The following SLC25A18 variants were observed in gnomAD, a reference collection of about 807,000 sequenced individuals.
The protein encoded by SLC25A18 is mitochondrial glutamate carrier 2.
A neutral mutation model predicts 31.1 loss-of-function variants in SLC25A18; 24 were observed. The observed-to-expected ratio is 0.77, with a 90% CI of 0.56 to 1.08. The LOEUF is 1.08. Ranked by LOEUF, SLC25A18 falls within the 50% of genes least tolerant of loss-of-function variation. SLC25A18 has a pLI of 0.00. For missense variants in SLC25A18, 371 were observed against 418.5 expected (o/e 0.89, Z 0.99); for synonymous variants, 173 against 161.9 (o/e 1.07, Z -0.52).
In SLC25A18 at chr22:17,590,247, A is replaced by T; in HGVS notation, c.*11A>T. 2 of 1,614,132 alleles carry T rather than the reference A, an allele frequency of 1.2e-6. No homozygotes were observed. Among genetic ancestry groups the T allele is most frequent in the African/African-American group, 2.7e-5 (2 of 75,060 alleles). On this transcript the variant is annotated 3_prime_UTR_variant, in exon 11 of 11. Transcript: ENST00000327451. ...AAGTGTTTTGACTAGACAGAGCTGG[A>T]GGTCAAGTCCCTGCGCTTGCCGCCC...
chr22:17,589,027 A>C (rs1438886483), intron 9 of SLC25A18: 1 of 150,514 alleles, frequency 6.6e-6, no homozygotes, highest in Non-Finnish European at 1.5e-5. Context: ...GTGCCACTGC[A>C]CTCCAGCCTG....
At chr22:17,566,003 CT>C (rs1031787587) in intron 1 of SLC25A18, among the ~76,000 whole-genome samples, 15 of 152,160 alleles carry the variant, frequency 9.9e-5, no homozygotes, top group African/African-American at 2.9e-4. Flanking sequence ...TCTGTGTTTA[CT>C]TTTTTGAGGA....
chr22:17,574,773 G>A (rs544158132), intron 2 of SLC25A18, among the ~76,000 whole-genome samples: 8 of 149,448 alleles, frequency 5.4e-5, no homozygotes, highest in Middle Eastern at 3.2e-3. Flanking sequence ...ACCCACCCTC[G>A]GCCTCCCAGA....
intron 9 of SLC25A18, chr22:17,588,634 C>G (rs2057622061): frequency 6.6e-6 from 1 of 150,922 alleles, no homozygotes; most frequent in Non-Finnish European, 1.5e-5. Flanking sequence ...TGGGCGACAG[C>G]ACAAGACTTC....
intron 2 of SLC25A18, among the ~76,000 whole-genome samples, chr22:17,574,026 T>G (rs756908610): frequency 1.3e-5 from 2 of 152,186 alleles, no homozygotes; most frequent in Non-Finnish European, 2.9e-5. Flanking sequence ...GCTCAGGAGT[T>G]CAAGACCAGT....
At chr22:17,572,796 C>T (rs552002994) in intron 2 of SLC25A18, among the ~76,000 whole-genome samples, 2 of 150,478 alleles carry the variant, frequency 1.3e-5, no homozygotes, top group African/African-American at 2.5e-5. Context: ...CGCCCGCCAC[C>T]ACGCCCGGCT....
rs2057694444 is a variant in SLC25A18, at chr22:17,590,884, AATCTC to A, written c.*653_*657del. On this transcript the variant is annotated 3_prime_UTR_variant, in exon 11 of 11. Transcript: ENST00000327451. ...CTCTGAAATAAAGGTGAATGGCTAA[AATCTC>A]ATCTGTTCATCAGTGGGTACAGCAG... is the stretch of plus-strand genomic sequence containing the variant. The A allele has an allele frequency of 6.6e-6, 1 of 152,378 alleles. No individual in the cohort carries two copies. Among genetic ancestry groups the A allele is most frequent in the Non-Finnish European group, 1.5e-5 (1 of 68,158 alleles). 9.4% of individuals were successfully genotyped at this position (152,378 alleles called of 1,614,324 possible).
chr22:17,587,564 AG>A (rs778421550), intron 8 of SLC25A18, among the ~76,000 whole-genome samples: 6 of 152,206 alleles, frequency 3.9e-5, no homozygotes, highest in Non-Finnish European at 8.8e-5. Context: ...AAGGCACCTA[AG>A]AAAGCCCTGT....
At chr22:17,582,392 T>C in intron 5 of SLC25A18, 171 bp from the exon 6 acceptor site, 2 of 506,074 alleles carry the variant, frequency 4.0e-6, no homozygotes, top group Admixed American at 7.1e-5. Flanking sequence ...AAGGAGAATG[T>C]GGTAGGGAGT....
In SLC25A18 at chr22:17,590,329, G is replaced by A; in HGVS notation, c.*93G>A. On this transcript the variant is annotated 3_prime_UTR_variant, in exon 11 of 11. Transcript: ENST00000327451. ...GGCAAGGGCAGGTGGGGCCACTCTGGCCTGCCTGGTCCTCTGCGTTGTAGT... is the reference window on the plus strand; with the variant it reads ...GGCAAGGGCAGGTGGGGCCACTCTGACCTGCCTGGTCCTCTGCGTTGTAGT... The A allele has an allele frequency of 4.6e-6, 7 of 1,513,846 alleles. No individual in the cohort carries two copies. Among genetic ancestry groups the A allele is most frequent in the Non-Finnish European group, 5.4e-6 (6 of 1,105,686 alleles). 93.8% of individuals were successfully genotyped at this position (1,513,846 alleles called of 1,614,324 possible). A position where few individuals can be genotyped will look rare whatever the true frequency, so the allele number is the denominator to read the frequency against.
rs765176965 is a variant in SLC25A18, at chr22:17,590,323, A to G, written c.*87A>G. 2.2e-5 allele frequency: 34 copies of G among 1,542,624 alleles called. No individual in the cohort carries two copies. Among genetic ancestry groups the G allele is most frequent in the Admixed American group, 7.1e-5 (4 of 56,716 alleles). On this transcript the variant is annotated 3_prime_UTR_variant, in exon 11 of 11. Coordinates refer to ENST00000327451, the MANE Select transcript of SLC25A18 (RefSeq NM_031481.3). Reference sequence around the variant, plus strand: ...AGAGGGGGCAAGGGCAGGTGGGGCCACTCTGGCCTGCCTGGTCCTCTGCGT... The same window carrying G: ...AGAGGGGGCAAGGGCAGGTGGGGCCGCTCTGGCCTGCCTGGTCCTCTGCGT...
intron 6 of SLC25A18, among the ~76,000 whole-genome samples, chr22:17,583,040 A>G (rs1037955315): frequency 5.3e-5 from 8 of 150,028 alleles, no homozygotes; most frequent in Non-Finnish European, 1.2e-4. Context: ...GCTCCACTGC[A>G]CTTCGGCGTG....
chr22:17,571,088 G>T (rs950318280), intron 2 of SLC25A18, among the ~76,000 whole-genome samples: 2 of 152,194 alleles, frequency 1.3e-5, no homozygotes, highest in Non-Finnish European at 2.9e-5. Context: ...GAAAGCAGGG[G>T]GTGAGGGAGA....
chr22:17,579,675 C>T (rs762370920), intron 2 of SLC25A18, 70 bp from the exon 3 acceptor site: 70 of 1,215,880 alleles, frequency 5.8e-5, no homozygotes, highest in Non-Finnish European at 4.2e-5. Context: ...GCAAGCGGGC[C>T]GCATGAATCC....
chr22:17,566,879 G>A (rs569756755), intron 1 of SLC25A18, among the ~76,000 whole-genome samples: 1 of 152,268 alleles, frequency 6.6e-6, no homozygotes, highest in South Asian at 2.1e-4. Flanking sequence ...AATTAGCATG[G>A]GCCGGCCGTG....
intron 1 of SLC25A18, among the ~76,000 whole-genome samples, chr22:17,568,086 C>G (rs2085204931): frequency 6.6e-6 from 1 of 151,962 alleles, no homozygotes; most frequent in Admixed American, 6.6e-5. Context: ...GAGAATAGGC[C>G]AGGTGCGATG....
intron 7 of SLC25A18, among the ~76,000 whole-genome samples, 172 bp from the exon 8 acceptor site, chr22:17,586,964 T>G (rs943161595): frequency 1.3e-5 from 2 of 152,112 alleles, no homozygotes. Context: ...TAGGAAGACG[T>G]CCTCAGAGCC....
intron 1 of SLC25A18, 58 bp downstream of exon 1, chr22:17,563,771 C>T: frequency 2.1e-6 from 2 of 951,074 alleles, no homozygotes; most frequent in Non-Finnish European, 2.5e-6. Context: ...TACTAAGAAA[C>T]CAAAAGGGGG....
rs956844099 is a variant in SLC25A18 at position 17,568,143 on chromosome 22, T to A, written c.-263-1781T>A. Among the ~76,000 whole-genome samples, 3 of 152,014 alleles carry A rather than the reference T, an allele frequency of 2.0e-5. No individual in the cohort carries two copies. In the East Asian group the frequency reaches 5.8e-4, roughly 29 times the overall value. On this transcript the variant is annotated intron_variant, in intron 1 of 10. Coordinates refer to ENST00000327451, the MANE Select transcript of SLC25A18 (RefSeq NM_031481.3). ...ACTTTGGGAGGCTGAGGCGGGCGGA[T>A]CACGAGGTCAGGAGATCAAGACCAT...
Sources: allele counts gnomAD v4.1 joint callset (sites outside exome capture counted in the v4.1 genomes callset), GRCh38; gene constraint gnomAD v4.1.1; transcripts MANE v1.5; gene names NCBI Gene and HGNC (gene_info 2026-07-23, HGNC 2026-07-21).